Variants in SRGAP3 observed in about 807,000 individuals in gnomAD.
The protein encoded by SRGAP3 is SLIT-ROBO Rho GTPase-activating protein 3.
SRGAP3 carries 39 observed loss-of-function variants against 121.1 expected under a neutral mutation model. That is an observed-to-expected ratio of 0.32 (90% CI 0.25 to 0.42). The LOEUF (loss-of-function observed/expected upper bound fraction) is 0.42, where lower values mean the gene tolerates loss of function less well. Ranked by LOEUF, SRGAP3 falls within the 10% of genes least tolerant of loss-of-function variation. SRGAP3 has a pLI of 1.00. For missense variants in SRGAP3, 1,213 were observed against 1,470.6 expected (o/e 0.82, Z 2.86); for synonymous variants, 601 against 570.0 (o/e 1.05, Z -0.77).
At chr3:9,176,149 A>T (rs1356954797) in intron 1 of SRGAP3, among the ~76,000 whole-genome samples, 3 of 152,120 alleles carry the variant, frequency 2.0e-5, no homozygotes, top group Non-Finnish European at 4.4e-5. Context: ...CTCAAACTCC[A>T]GACCTCATAA....
intron 3 of SRGAP3, among the ~76,000 whole-genome samples, chr3:9,317,287 A>C (rs917613649): frequency 1.3e-5 from 2 of 152,204 alleles, no homozygotes; most frequent in South Asian, 4.1e-4. Context: ...AAACAGGGAA[A>C]TATTTCGGCC....
rs1309609499 is a variant in SRGAP3, at chr3:9,135,223, A to G, written c.68-10306T>C. Among the ~76,000 whole-genome samples the G allele has an allele frequency of 3.9e-5, 6 of 152,364 alleles. No individual in the cohort carries two copies. In the East Asian group the frequency reaches 9.6e-4, roughly 24 times the overall value. ...GACAGCACTGCGTCAGAGGCTTTATAAAGTTAAGCTATGATTATCATTTAT... is the reference window on the plus strand; with the variant it reads ...GACAGCACTGCGTCAGAGGCTTTATGAAGTTAAGCTATGATTATCATTTAT... On this transcript the variant is annotated intron_variant, in intron 1 of 21. Transcript: ENST00000383836.
intron 1 of SRGAP3, among the ~76,000 whole-genome samples, chr3:9,233,000 C>G (rs1953271355): frequency 6.6e-6 from 1 of 152,252 alleles, no homozygotes; most frequent in Non-Finnish European, 1.5e-5. Context: ...TCCTTCCCAA[C>G]CAGGTGCACT....
chr3:9,071,676 A>C (rs981514346), intron 4 of SRGAP3, among the ~76,000 whole-genome samples: 1 of 151,734 alleles, frequency 6.6e-6, no homozygotes, highest in East Asian at 1.9e-4. Context: ...GGATGGATGG[A>C]TGGATGGATG....
chr3:9,072,787 A>G (rs1946781238), intron 4 of SRGAP3, among the ~76,000 whole-genome samples: 1 of 152,242 alleles, frequency 6.6e-6, no homozygotes. Flanking sequence ...GGAAGGAAAC[A>G]CTGCCAAACT....
At position 9,027,167 on chromosome 3, in the gene SRGAP3, G is replaced by C. The variant is rs1944248708; in HGVS notation, c.1540-172C>G. ...TCTCCACGGACAGTTACAATAGAGA[G>C]TCTTCAACTGTATGCACAAAAAGGC... On this transcript the variant is annotated intron_variant, in intron 12 of 21. Coordinates refer to ENST00000383836, the MANE Select transcript of SRGAP3 (RefSeq NM_014850.4). 2.6e-5 allele frequency among the ~76,000 whole-genome samples: 4 copies of C among 152,116 alleles called. 1 individual carries two copies. The highest frequency in any genetic ancestry group is 1.3e-4 in the Admixed American group (2 of 15,274).
intron 1 of SRGAP3, among the ~76,000 whole-genome samples, chr3:9,149,860 C>A (rs1950155700): frequency 6.6e-6 from 1 of 152,180 alleles, no homozygotes; most frequent in Admixed American, 6.5e-5. Flanking sequence ...CAGGCTCAAA[C>A]CACCTAGCAC....
chr3:9,348,236 A>G (rs954935591), intron 1 of SRGAP3, among the ~76,000 whole-genome samples: 42 of 152,234 alleles, frequency 2.8e-4, no homozygotes, highest in African/African-American at 9.6e-4. Context: ...GTGAAATGAC[A>G]TCTATGAGAG....
chr3:9,280,605 G>T (rs1954658135), intron 3 of SRGAP3, among the ~76,000 whole-genome samples: 1 of 152,218 alleles, frequency 6.6e-6, no homozygotes, highest in Non-Finnish European at 1.5e-5. Flanking sequence ...GGCAGTAACG[G>T]TGGGTCCTCA....
At chr3:9,178,597 T>G (rs1173792336) in intron 1 of SRGAP3, among the ~76,000 whole-genome samples, 1 of 152,174 alleles carries the variant, frequency 6.6e-6, no homozygotes, top group African/African-American at 2.4e-5. Flanking sequence ...CAGAGAGGAA[T>G]CAATCATCCA....
chr3:9,090,054 G>A (rs951582036), intron 3 of SRGAP3, among the ~76,000 whole-genome samples: 2 of 152,002 alleles, frequency 1.3e-5, no homozygotes, highest in Non-Finnish European at 2.9e-5. Context: ...CAGTTTACAG[G>A]ATCCCATACA....
intron 1 of SRGAP3, among the ~76,000 whole-genome samples, chr3:9,196,109 G>T (rs974291027): frequency 6.6e-6 from 1 of 152,196 alleles, no homozygotes; most frequent in South Asian, 2.1e-4. Context: ...GTAGGATTTT[G>T]ATTTGGAAAT....
At chr3:9,252,941 T>G (rs1954050691), upstream of SRGAP3, among the ~76,000 whole-genome samples, 1 of 152,234 alleles carries the variant, frequency 6.6e-6, no homozygotes, top group African/African-American at 2.4e-5. Context: ...AAGTGTTTAT[T>G]CCATTTCCTT....
chr3:9,322,389 T>G (rs999580302), intron 3 of SRGAP3, among the ~76,000 whole-genome samples: 1 of 151,742 alleles, frequency 6.6e-6, no homozygotes, highest in African/African-American at 2.4e-5. Flanking sequence ...AGGATGTTAA[T>G]AGCATGTTCT....
At chr3:9,115,267 A>G (rs931628409) in intron 2 of SRGAP3, among the ~76,000 whole-genome samples, 1 of 152,216 alleles carries the variant, frequency 6.6e-6, no homozygotes, top group Non-Finnish European at 1.5e-5. Flanking sequence ...AGGAGTTTGC[A>G]AAGTGTAAGG....
At chr3:9,354,555 G>A (rs1476773510) in intron 1 of SRGAP3, among the ~76,000 whole-genome samples, 2 of 151,922 alleles carry the variant, frequency 1.3e-5, no homozygotes, top group African/African-American at 2.4e-5. Context: ...GGTGGCAGGC[G>A]CCTGTACTCC....
At chr3:9,049,331 G>C (rs2125148814) in intron 9 of SRGAP3, 1 of 453,016 alleles carries the variant, frequency 2.2e-6, no homozygotes, top group South Asian at 1.6e-5. Context: ...CATGGTCCTA[G>C]GCTCCCAGGA....
intron 1 of SRGAP3, among the ~76,000 whole-genome samples, chr3:9,139,295 T>A (rs1202471426): frequency 6.6e-6 from 1 of 152,068 alleles, no homozygotes; most frequent in African/African-American, 2.4e-5. Flanking sequence ...AATGTTACCT[T>A]CAATGGCAAA....
At chr3:9,287,173 G>A (rs1221100240) in intron 3 of SRGAP3, among the ~76,000 whole-genome samples, 1 of 151,628 alleles carries the variant, frequency 6.6e-6, no homozygotes, top group Non-Finnish European at 1.5e-5. Flanking sequence ...TGTAGTTTTA[G>A]TAGAGACAGG....
Sources: allele counts gnomAD v4.1 joint callset (sites outside exome capture counted in the v4.1 genomes callset), GRCh38; gene constraint gnomAD v4.1.1; transcripts MANE v1.5; gene names NCBI Gene and HGNC (gene_info 2026-07-23, HGNC 2026-07-21).